The following SARDH variants were observed in gnomAD, a reference collection of about 807,000 sequenced individuals.
SARDH encodes sarcosine dehydrogenase, also known as sarcosine dehydrogenase, mitochondrial.
Under a neutral mutation model 109.1 loss-of-function variants are expected in SARDH, and 95 were observed. The ratio of observed to expected loss-of-function variants is 0.87; its 90% CI spans 0.74 to 1.03. SARDH has a LOEUF of 1.03. Among genes scored for constraint, SARDH ranks in the 50% least tolerant of loss-of-function variants. The pLI is 0.00. For missense variants in SARDH, 1,267 were observed against 1,287.8 expected (o/e 0.98, Z 0.25); for synonymous variants, 572 against 534.8 (o/e 1.07, Z -0.96).
intron 17 of SARDH, among the ~76,000 whole-genome samples, chr9:133,682,048 G>A (rs1564245754): frequency 6.6e-6 from 1 of 152,202 alleles, no homozygotes; most frequent in Admixed American, 6.5e-5. Context: ...ACACCACAGA[G>A]TGACCCGGGA....
At position 133,702,825 on chromosome 9, in the gene SARDH, G is replaced by C. The variant is rs1032431766; in HGVS notation, c.1668+91C>G. The C allele has an allele frequency of 2.5e-5, 28 of 1,121,698 alleles. No individual in the cohort carries two copies. The Middle Eastern group carries it at 1.4e-3, about 54-fold the overall frequency. The allele number at this position is 1,121,698 out of a possible 1,614,324, so 69.5% of individuals were successfully genotyped here. A position where few individuals can be genotyped will look rare whatever the true frequency, so the allele number is the denominator to read the frequency against. ...CCGAAGAGACTCCTGGGGGAGGGGA[G>C]CCCCTGCAGGGCCAGCCGAGGGCCG... is the stretch of plus-strand genomic sequence containing the variant. On this transcript the variant is annotated intron_variant, in intron 13 of 20. Coordinates refer to ENST00000439388, the MANE Select transcript of SARDH (RefSeq NM_001134707.2).
chr9:133,714,153 G>A (rs767483717), intron 8 of SARDH, among the ~76,000 whole-genome samples: 5 of 152,074 alleles, frequency 3.3e-5, no homozygotes, highest in Non-Finnish European at 5.9e-5. Context: ...ACGATGATAC[G>A]GGGATGGCTC....
At chr9:133,667,204 T>G (rs964430443) in intron 19 of SARDH, 76 of 524,546 alleles carry the variant, frequency 1.4e-4, no homozygotes, top group African/African-American at 3.5e-4. Flanking sequence ...GTTTTTTTTT[T>G]TTTTTTTTTT....
Position 133,666,575 on chromosome 9 carries a change from C to CCTCTTCCCTCCTCCCTCCTTT in SARDH, c.2631+139_2631+159dup, listed in dbSNP as rs1206739729. On this transcript the variant is annotated intron_variant, in intron 20 of 20. Coordinates refer to ENST00000439388, the MANE Select transcript of SARDH (RefSeq NM_001134707.2). This position sits in a 1 kb window ranked among gnomAD's most constrained non-coding sequence, Gnocchi z 5.2. Reference sequence around the variant, plus strand: ...CTCCTTCTCCTCCTTCCTTCCTCCCCCTCTTCCCTCCTCCCTCCTTTCTCT... The same window carrying CCTCTTCCCTCCTCCCTCCTTT: ...CTCCTTCTCCTCCTTCCTTCCTCCCCCTCTTCCCTCCTCCCTCCTTTCTCTTCCCTCCTCCCTCCTTTCTCT... Among the ~76,000 whole-genome samples the CCTCTTCCCTCCTCCCTCCTTT allele has an allele frequency of 2.6e-5, 4 of 151,552 alleles. No individual in the cohort carries two copies. Among genetic ancestry groups the CCTCTTCCCTCCTCCCTCCTTT allele is most frequent in the Non-Finnish European group, 5.9e-5 (4 of 67,878 alleles).
chr9:133,701,044 T>C (rs564588472), intron 13 of SARDH, among the ~76,000 whole-genome samples: 3 of 152,098 alleles, frequency 2.0e-5, no homozygotes, highest in Non-Finnish European at 2.9e-5. Context: ...CCTCACATAC[T>C]CAGGGAGGCC....
intron 6 of SARDH, among the ~76,000 whole-genome samples, chr9:133,722,375 G>T (rs892027057): frequency 1.3e-5 from 2 of 151,568 alleles, no homozygotes; most frequent in Non-Finnish European, 2.9e-5. Context: ...AGTGCTGAAG[G>T]GTATCTACAA....
At chr9:133,736,079 G>A (rs113297677) in intron 1 of SARDH, among the ~76,000 whole-genome samples, 2,579 of 151,156 alleles carry the variant, frequency 0.017, 73 homozygotes, top group African/African-American at 0.06. Flanking sequence ...GACATGTGAC[G>A]TATGAACAAA....
rs559995282 is a variant in SARDH at position 133,713,024 on chromosome 9, C to T, written c.1237+14G>A. 14 of 1,605,280 alleles carry T rather than the reference C, an allele frequency of 8.7e-6. No homozygotes were observed. In the African/African-American group the frequency reaches 1.1e-4, roughly 12 times the overall value. On this transcript the variant is annotated intron_variant, in intron 9 of 20. Coordinates refer to ENST00000439388, the MANE Select transcript of SARDH (RefSeq NM_001134707.2). ...TCCCTCTTGGGGGCCAGGAGGGCTG[C>T]TGCCCGGACTCACCTGCGCTGTTGA...
In SARDH at chr9:133,703,008, C is replaced by T. The variant is rs148314623; in HGVS notation, c.1576G>A (p.Gly526Arg). 22 of 1,613,232 alleles carry T rather than the reference C, an allele frequency of 1.4e-5. No homozygotes were observed. The highest frequency in any genetic ancestry group is 1.6e-4 in the Middle Eastern group (1 of 6,080). ...PAPVLEYDYY[G>R]AYGSRAHEDY... ...TCGTGCGCGCGGCTCCCGTAAGCCC[C>T]GTAGTAGTCGTACTCGAGGACCTGG... The change falls in exon 13 of 21, where the codon GGG becomes AGG. Residue 526 changes from glycine to arginine, a missense_variant. Gly to Arg is a moderately radical substitution (Grantham distance 125). Coordinates refer to ENST00000439388, the MANE Select transcript of SARDH (RefSeq NM_001134707.2).
intron 1 of SARDH, among the ~76,000 whole-genome samples, chr9:133,737,021 C>T (rs1440400959): frequency 1.3e-5 from 2 of 152,248 alleles, no homozygotes; most frequent in Non-Finnish European, 2.9e-5. Context: ...CACGGAGAGG[C>T]TCCCTGAGGT....
intron 14 of SARDH, among the ~76,000 whole-genome samples, 158 bp from the exon 15 acceptor site, chr9:133,694,529 C>T (rs1255365223): frequency 6.6e-6 from 1 of 152,206 alleles, no homozygotes; most frequent in Non-Finnish European, 1.5e-5. Context: ...TGGAGAGCTC[C>T]TCAGCCCAGG....
chr9:133,694,394 G>A (rs1234539518), intron 14 of SARDH, 23 bp from the exon 15 acceptor site: 41 of 1,537,936 alleles, frequency 2.7e-5, no homozygotes, highest in South Asian at 9.5e-5. Context: ...GAAGGAAGCC[G>A]GGTCTGTGCT....
intron 6 of SARDH, 68 bp from the exon 7 acceptor site, chr9:133,719,110 G>T: frequency 1.5e-6 from 2 of 1,360,206 alleles, no homozygotes; most frequent in Non-Finnish European, 2.1e-6. Flanking sequence ...CCCATGCCCC[G>T]TGGTGGGCCA....
chr9:133,669,890 C>CT (rs1830275415), intron 19 of SARDH, among the ~76,000 whole-genome samples: 1 of 152,240 alleles, frequency 6.6e-6, no homozygotes, highest in Non-Finnish European at 1.5e-5. Context: ...GGCCCTCGGC[C>CT]TAGACCTGCC....
At chr9:133,674,558 G>C (rs1830454281) in intron 17 of SARDH, among the ~76,000 whole-genome samples, 1 of 152,212 alleles carries the variant, frequency 6.6e-6, no homozygotes, top group African/African-American at 2.4e-5. Context: ...AACGAAATCA[G>C]CAAAGTTGGA....
Position 133,712,914 on chromosome 9 carries a change from C to A in SARDH, c.1237+124G>T. 1 of 1,063,348 alleles carries A rather than the reference C, an allele frequency of 9.4e-7. No homozygotes were observed. Among genetic ancestry groups the A allele is most frequent in the Non-Finnish European group, 1.4e-6 (1 of 721,028 alleles). The allele number at this position is 1,063,348 out of a possible 1,614,324, so 65.9% of individuals were successfully genotyped here. A position where few individuals can be genotyped will look rare whatever the true frequency, so the allele number is the denominator to read the frequency against. ...TCTGGGAAGCAGAAGGGGCTGGACT[C>A]CCCAGCCTCTCCTGTCCCCACCACT... On this transcript the variant is annotated intron_variant, in intron 9 of 20. Coordinates refer to ENST00000439388, the MANE Select transcript of SARDH (RefSeq NM_001134707.2). The surrounding 1 kb of genome is among the most constrained non-coding windows in gnomAD (Gnocchi z 4.1).
Position 133,712,960 on chromosome 9 carries a change from T to C in SARDH, c.1237+78A>G. ...CCACTGTCGGGGGCCACGGTGCTCC[T>C]GCGCCCGCCTCCCCCAGAGCTCTGG... On this transcript the variant is annotated intron_variant, in intron 9 of 20. Coordinates refer to ENST00000439388, the MANE Select transcript of SARDH (RefSeq NM_001134707.2). This position sits in a 1 kb window ranked among gnomAD's most constrained non-coding sequence, Gnocchi z 4.1. The C allele has an allele frequency of 2.8e-6, 4 of 1,416,234 alleles. No individual in the cohort carries two copies. The South Asian group carries it at 4.9e-5, about 17-fold the overall frequency. The allele number at this position is 1,416,234 out of a possible 1,614,324, so 87.7% of individuals were successfully genotyped here.
At chr9:133,700,329 AAAAT>A (rs757368063) in intron 13 of SARDH, among the ~76,000 whole-genome samples, 59 of 152,280 alleles carry the variant, frequency 3.9e-4, no homozygotes, top group East Asian at 3.9e-3. Context: ...CCCATCTCAA[AAAAT>A]AAATAAATAA....
chr9:133,692,846 C>A lies in SARDH; in HGVS notation c.1921+1412G>T, dbSNP rs1831150273. Among the ~76,000 whole-genome samples the A allele has an allele frequency of 6.6e-6, 1 of 152,176 alleles. No homozygotes were observed. Among genetic ancestry groups the A allele is most frequent in the African/African-American group, 2.4e-5 (1 of 41,432 alleles). ...GCTCAGCCCATGGCTCCCTCAGCCT[C>A]CACGTCGCCAACGGCAGGAGGGAAG... On this transcript the variant is annotated intron_variant, in intron 15 of 20. Coordinates refer to ENST00000439388, the MANE Select transcript of SARDH (RefSeq NM_001134707.2). The surrounding 1 kb of genome is among the most constrained non-coding windows in gnomAD (Gnocchi z 5.0).
Sources: allele counts gnomAD v4.1 joint callset (sites outside exome capture counted in the v4.1 genomes callset), GRCh38; gene constraint gnomAD v4.1.1; non-coding constraint Gnocchi (gnomAD v3.1); transcripts MANE v1.5; gene names NCBI Gene and HGNC (gene_info 2026-07-23, HGNC 2026-07-21).